Variants in EDA2R observed in about 807,000 individuals in gnomAD.
EDA2R encodes the protein tumor necrosis factor receptor superfamily member 27.
Under a neutral mutation model 20.1 loss-of-function variants are expected in EDA2R, and 26 were observed. The ratio of observed to expected loss-of-function variants is 1.30; its 90% confidence interval spans 0.95 to 1.80. The LOEUF (loss-of-function observed/expected upper bound fraction) is 1.80. EDA2R is among the 40% of genes most tolerant of loss of function. The pLI, the probability that EDA2R is intolerant of heterozygous loss-of-function variation, is 0.00. For missense variants in EDA2R, 277 were observed against 228.7 expected (o/e 1.21, Z -1.36); for synonymous variants, 114 against 88.7 (o/e 1.29, Z -1.60).
At chrX:66,607,528 C>T (rs1929915511) in intron 2 of EDA2R, among the ~76,000 whole-genome samples, 1 of 110,723 alleles carries the variant, frequency 9.0e-6, no homozygotes, top group Admixed American at 9.6e-5. Flanking sequence ...ATGGGAGGAT[C>T]GCTAGAGCCC....
At position 66,638,910 on chromosome X, in the gene EDA2R, C is replaced by T. The variant is rs1447060309; in HGVS notation, c.-11+85G>A. 4 of 111,503 alleles carry T rather than the reference C, an allele frequency of 3.6e-5. No individual in the cohort carries two copies. In the Admixed American group the frequency reaches 3.8e-4, roughly 11 times the overall value. 9.2% of individuals were successfully genotyped at this position (111,503 alleles called of 1,213,427 possible). ...TGATTTTGCGGTACCCTAGCAGGAT[C>T]ATCCTGACCTGATTCTGTACTTCTG... On this transcript the variant is annotated intron_variant, in intron 1 of 6. Transcript: ENST00000374719.
chrX:66,629,541 C>T (rs780930328), intron 1 of EDA2R, among the ~76,000 whole-genome samples: 7 of 111,736 alleles, frequency 6.3e-5, no homozygotes, highest in Non-Finnish European at 9.4e-5. Context: ...CTCCTATACA[C>T]CAACAGTGAC....
At chrX:66,618,784 A>G (rs1004750004) in intron 1 of EDA2R, among the ~76,000 whole-genome samples, 9 of 109,022 alleles carry the variant, frequency 8.3e-5, no homozygotes, top group Admixed American at 6.7e-4. Flanking sequence ...AAACAATAGT[A>G]GTAACCTCAC....
At chrX:66,636,299 C>G (rs188384457) in intron 1 of EDA2R, among the ~76,000 whole-genome samples, 1 of 111,784 alleles carries the variant, frequency 8.9e-6, no homozygotes, top group Admixed American at 9.5e-5. Context: ...TGAAGACATA[C>G]TCATACCCCA....
intron 1 of EDA2R, among the ~76,000 whole-genome samples, chrX:66,617,126 GCCAAA>G (rs1931826824): frequency 7.1e-5 from 8 of 111,968 alleles, no homozygotes; most frequent in African/African-American, 2.6e-4. Flanking sequence ...TTCTAAAAGT[GCCAAA>G]GTCCTAAATG....
At chrX:66,621,413 G>A (rs993712827) in intron 1 of EDA2R, among the ~76,000 whole-genome samples, 1 of 112,039 alleles carries the variant, frequency 8.9e-6, no homozygotes, top group Non-Finnish European at 1.9e-5. Context: ...ATACCCAAAA[G>A]AATTGAAAAC....
chrX:66,598,125 G>A (rs1316596945), intron 6 of EDA2R, 32 bp from the exon 7 acceptor site: 18 of 748,592 alleles, frequency 2.4e-5, no homozygotes, highest in Non-Finnish European at 3.2e-5. Context: ...TTAGAAACAT[G>A]TGGGGAAATC....
At chrX:66,633,715 C>T (rs73221531) in intron 1 of EDA2R, among the ~76,000 whole-genome samples, 9,409 of 111,181 alleles carry the variant, frequency 0.085, 360 homozygotes, top group Non-Finnish European at 0.12. Context: ...TACCAATCAC[C>T]ACAAGATTCC....
chrX:66,620,124 C>A (rs1180300182), intron 1 of EDA2R, among the ~76,000 whole-genome samples: 1 of 111,838 alleles, frequency 8.9e-6, no homozygotes, highest in East Asian at 2.8e-4. Flanking sequence ...TTTCTGGTTT[C>A]TCTTGATAAC....
At chrX:66,598,635 A>G (rs959646460) in intron 6 of EDA2R, among the ~76,000 whole-genome samples, 4 of 112,257 alleles carry the variant, frequency 3.6e-5, no homozygotes, top group African/African-American at 9.7e-5. Context: ...CCTTGAAGGT[A>G]CCTAAGTTGA....
intron 1 of EDA2R, among the ~76,000 whole-genome samples, chrX:66,625,361 A>G (rs973288385): frequency 2.7e-5 from 3 of 110,870 alleles, no homozygotes; most frequent in Non-Finnish European, 5.7e-5. Context: ...TTTGGATTGC[A>G]TGGGAGCTGG....
Position 66,599,691 on chromosome X carries a change from G to A in EDA2R, c.687C>T (p.Pro229=). ...AGGCCATGGTAAAGGACTCCTGTGTGGGGAAGCCACTAGTCGAGCTGCAGT... is the reference window on the plus strand; with the variant it reads ...AGGCCATGGTAAAGGACTCCTGTGTAGGGAAGCCACTAGTCGAGCTGCAGT... The part of the protein sequence containing the change: ...EDDCSSTSGF[P]TQESFTMASC... The change falls in exon 6 of 7, where the codon CCC becomes CCT. Residue 229 remains proline (P), a synonymous_variant. Coordinates refer to ENST00000374719, the MANE Select transcript of EDA2R (RefSeq NM_021783.5). 2 of 1,209,535 alleles carry A rather than the reference G, an allele frequency of 1.7e-6. No individual in the cohort carries two copies. The highest frequency in any genetic ancestry group is 1.8e-5 in the South Asian group (1 of 56,275).
intron 2 of EDA2R, among the ~76,000 whole-genome samples, chrX:66,606,750 T>G (rs1282914678): frequency 8.9e-6 from 1 of 112,450 alleles, no homozygotes; most frequent in Non-Finnish European, 1.9e-5. Context: ...TAAAGTAGCC[T>G]CAGCCTGTAT....
chrX:66,607,437 C>T (rs1374267529), intron 2 of EDA2R, among the ~76,000 whole-genome samples: 6 of 110,879 alleles, frequency 5.4e-5, no homozygotes, highest in Admixed American at 9.6e-5. Flanking sequence ...GGCAACACGG[C>T]AAAGCCTTGT....
rs1484581704 is a variant in EDA2R at position 66,599,607 on chromosome X, C to T, written c.771G>A (p.Leu257=). The change falls in exon 6 of 7, where the codon CTG becomes CTA. Residue 257 remains leucine (L), a synonymous_variant. Transcript: ENST00000374719. ...WVHSPIECTE[L]DLQKFSSSAS... is the part of the protein sequence containing the mutation. Reference sequence around the variant, plus strand: ...CAGAGCTGGAAAACTTTTGCAGGTCCAGCTCTGTGCATTCGATGGGGCTGT... The same window carrying T: ...CAGAGCTGGAAAACTTTTGCAGGTCTAGCTCTGTGCATTCGATGGGGCTGT... 8.3e-7 allele frequency: 1 copy of T among 1,202,343 alleles called. No homozygotes were observed. The highest frequency in any genetic ancestry group is 1.1e-6 in the Non-Finnish European group (1 of 890,827).
At chrX:66,609,140 C>T (rs1930262637) in intron 2 of EDA2R, among the ~76,000 whole-genome samples, 1 of 111,911 alleles carries the variant, frequency 8.9e-6, no homozygotes, top group African/African-American at 3.3e-5. Flanking sequence ...ACAGAGCTCC[C>T]ATAAGCCTGG....
chrX:66,604,363 T>C (rs1929243559), intron 4 of EDA2R, 58 bp downstream of exon 4: 3 of 1,106,605 alleles, frequency 2.7e-6, no homozygotes, highest in Non-Finnish European at 1.2e-6. Context: ...TTTACTACCC[T>C]ATCTTGCTGC....
At chrX:66,624,269 G>A (rs888263612) in intron 1 of EDA2R, among the ~76,000 whole-genome samples, 5 of 111,742 alleles carry the variant, frequency 4.5e-5, no homozygotes, top group South Asian at 3.8e-4. Flanking sequence ...CTGGAATACC[G>A]GCCCTTTCAG....
At chrX:66,599,958 A>G in intron 5 of EDA2R, 98 bp from the exon 6 acceptor site, 1 of 1,137,927 alleles carries the variant, frequency 8.8e-7, no homozygotes, top group Non-Finnish European at 1.2e-6. Flanking sequence ...AAGGTCTGGG[A>G]GCTGATTCTT....
Sources: gnomAD v4.1 joint callset for allele counts (sites outside exome capture counted in the v4.1 genomes callset) on GRCh38, gnomAD v4.1.1 for gene constraint, MANE v1.5 for transcripts, NCBI Gene and HGNC (gene_info 2026-07-23, HGNC 2026-07-21) for gene names.